Variants in SMG9 observed in about 807,000 individuals in gnomAD.
SMG9 encodes SMG9 nonsense mediated mRNA decay factor, also known as nonsense-mediated mRNA decay factor SMG9.
A neutral mutation model predicts 64.0 loss-of-function variants in SMG9; 55 were observed. The observed-to-expected ratio is 0.86, with a 90% CI of 0.69 to 1.08. The LOEUF is 1.08. Ranked by LOEUF, SMG9 falls within the 50% of genes least tolerant of loss-of-function variation. SMG9 has a pLI of 0.00. For synonymous variants in SMG9, 244 were observed against 254.8 expected (o/e 0.96, Z 0.41); for missense variants, 554 against 681.3 (o/e 0.81, Z 2.08).
chr19:43,728,974 C>T lies in SMG9; in HGVS notation c.*2622G>A. The T allele has an allele frequency of 1.0e-6, 1 of 985,502 alleles. No homozygotes were observed. The highest frequency in any genetic ancestry group is 4.7e-5 in the South Asian group (1 of 21,290). The allele number at this position is 985,502 out of a possible 1,614,324, so 61.0% of individuals were successfully genotyped here. On this transcript the variant is annotated 3_prime_UTR_variant, in exon 14 of 14. Coordinates refer to ENST00000270066, the MANE Select transcript of SMG9 (RefSeq NM_019108.4). The stretch of plus-strand genomic sequence containing the variant: ...GCCCATCTTGCAGCCCATCCTAGAG[C>T]AGAAGGCCTCCCTGCAGCAGTATAT...
intron 9 of SMG9, chr19:43,734,766 A>C: frequency 3.0e-6 from 1 of 329,652 alleles, no homozygotes; most frequent in Non-Finnish European, 5.6e-6. Context: ...TTCACAGCAA[A>C]ACTGAGCAGA....
rs764625758 is a variant in SMG9 at position 43,733,638 on chromosome 19, G to C, written c.1198C>G (p.Leu400Val). ...MIDQLMAHSH[L>V]RYKGTLSMLQ... The stretch of plus-strand genomic sequence containing the variant: ...TGGGAACCCTTACCCTTGTAACGCA[G>C]GTGGGAGTGGGCCATGAGCTGGTCA... Residue 400 changes from leucine to valine, a missense_variant, in exon 11 of 14, where the codon CTG becomes GTG. Leu to Val is a conservative substitution (Grantham distance 32). Coordinates refer to ENST00000270066, the MANE Select transcript of SMG9 (RefSeq NM_019108.4). 6.2e-7 allele frequency: 1 copy of C among 1,614,106 alleles called. No homozygotes were observed. The highest frequency in any genetic ancestry group is 8.5e-7 in the Non-Finnish European group (1 of 1,179,976).
chr19:43,745,043 T>C (rs1968958774), intron 5 of SMG9, among the ~76,000 whole-genome samples, 159 bp from the exon 6 acceptor site: 1 of 152,258 alleles, frequency 6.6e-6, no homozygotes, highest in African/African-American at 2.4e-5. Flanking sequence ...ATAGGGCCTC[T>C]GTTCCGTGTC....
intron 13 of SMG9, among the ~76,000 whole-genome samples, chr19:43,731,903 C>A (rs1968497714): frequency 6.6e-6 from 1 of 152,236 alleles, no homozygotes; most frequent in Non-Finnish European, 1.5e-5. Context: ...GGTTCCAGGG[C>A]TTGGACTAAG....
intron 6 of SMG9, among the ~76,000 whole-genome samples, chr19:43,741,053 C>T (rs145921619): frequency 4.6e-5 from 7 of 152,278 alleles, no homozygotes; most frequent in East Asian, 1.9e-4. Context: ...AAACACTATA[C>T]GGAAAACCTC....
intron 11 of SMG9, 56 bp from the exon 12 acceptor site, chr19:43,733,508 G>A (rs1260751267): frequency 6.2e-7 from 1 of 1,611,716 alleles, no homozygotes; most frequent in African/African-American, 1.3e-5. Flanking sequence ...TGGGGAGTGG[G>A]AATTGTTGAC....
chr19:43,734,390 T>A lies in SMG9; in HGVS notation c.1101A>T (p.Leu367=). The A allele has an allele frequency of 1.3e-6, 2 of 1,552,176 alleles. No homozygotes were observed. Among genetic ancestry groups the A allele is most frequent in the Non-Finnish European group, 1.7e-6 (2 of 1,147,032 alleles). ...SDEGTEYYPH[L]VFLQNKARRE... is the part of the protein sequence containing the mutation. ...TCCAGTCCCCAGAAAGCCTCTCACCTAGGTGGGGGTAGTACTCGGTGCCTT... is the reference window on the plus strand; with the variant it reads ...TCCAGTCCCCAGAAAGCCTCTCACCAAGGTGGGGGTAGTACTCGGTGCCTT... Residue 367 remains leucine, a splice_region_variant and synonymous_variant, in exon 10 of 14, where the codon CTA becomes CTT. Transcript: ENST00000270066.
intron 8 of SMG9, 32 bp downstream of exon 8, chr19:43,738,090 C>T: frequency 6.3e-7 from 1 of 1,598,594 alleles, no homozygotes; most frequent in Non-Finnish European, 8.6e-7. Context: ...GGATGTAAAA[C>T]CTCAGTCCTG....
chr19:43,735,877 A>G (rs1022242966), intron 9 of SMG9, among the ~76,000 whole-genome samples: 1 of 152,216 alleles, frequency 6.6e-6, no homozygotes, highest in African/African-American at 2.4e-5. Flanking sequence ...TGCCGGCCTG[A>G]GCCAATACTC....
At chr19:43,748,079 T>C (rs554515525) in intron 2 of SMG9, 27 bp from the exon 3 acceptor site, 67 of 1,590,342 alleles carry the variant, frequency 4.2e-5, no homozygotes, top group Non-Finnish European at 4.1e-5. Flanking sequence ...CAGTTACTCA[T>C]GAATGGCTCT....
Position 43,750,661 on chromosome 19 carries a change from G to C in SMG9, c.81C>G (p.Gly27=). 1 of 1,614,012 alleles carries C rather than the reference G, an allele frequency of 6.2e-7. No homozygotes were observed. The highest frequency in any genetic ancestry group is 8.5e-7 in the Non-Finnish European group (1 of 1,179,996). The change falls in exon 2 of 14, where the codon GGC becomes GGG. Residue 27 remains glycine (G), a synonymous_variant. Transcript: ENST00000270066. Reference sequence around the variant, plus strand: ...CACCAGGCCCAGAGAGATTCTGGGGGCCACCAGAGCCAGGCTCCTTCCACC... The same window carrying C: ...CACCAGGCCCAGAGAGATTCTGGGGCCCACCAGAGCCAGGCTCCTTCCACC... ...RRRWKEPGSG[G]PQNLSGPGGR...
At chr19:43,739,863 C>G in intron 7 of SMG9, 1 of 522,484 alleles carries the variant, frequency 1.9e-6, no homozygotes, top group South Asian at 2.1e-5. Context: ...CTCCAGGGCC[C>G]ACACTTTTCA....
Position 43,731,477 on chromosome 19 carries a change from A to G in SMG9, c.*119T>C. 1 of 1,523,328 alleles carries G rather than the reference A, an allele frequency of 6.6e-7. No homozygotes were observed. Among genetic ancestry groups the G allele is most frequent in the South Asian group, 1.3e-5 (1 of 78,378 alleles). 94.4% of individuals were successfully genotyped at this position (1,523,328 alleles called of 1,614,324 possible). ...CATGTCTCTGGGCCGGGAAGCCACG[A>G]TCCCTCATCCATCAGGCCTGCTGCC... On this transcript the variant is annotated 3_prime_UTR_variant, in exon 14 of 14. Transcript: ENST00000270066.
chr19:43,740,211 C>T lies in SMG9; in HGVS notation c.709G>A (p.Val237Ile). 2 of 1,613,324 alleles carry T rather than the reference C, an allele frequency of 1.2e-6. No individual in the cohort carries two copies. The highest frequency in any genetic ancestry group is 1.7e-4 in the Middle Eastern group (1 of 6,060). Reference sequence around the variant, plus strand: ...ATTTCAGCGCTCTGGGCCCGGAAAACATAAGTCCTGTGGAGAGGAGCAGGC... The same window carrying T: ...ATTTCAGCGCTCTGGGCCCGGAAAATATAAGTCCTGTGGAGAGGAGCAGGC... ...NTPEEDQRTY[V>I]FRAQSAEMKE... Residue 237 changes from valine to isoleucine, a missense_variant, in exon 7 of 14, where the codon GTT (valine) becomes ATT (isoleucine). Coordinates refer to ENST00000270066, the MANE Select transcript of SMG9 (RefSeq NM_019108.4).
chr19:43,737,966 A>G (rs1968728157), intron 8 of SMG9, 156 bp downstream of exon 8: 1 of 740,328 alleles, frequency 1.4e-6, no homozygotes, highest in African/African-American at 1.7e-5. Context: ...GCCAGTCCTG[A>G]CTCTCAGTGT....
In SMG9 at chr19:43,737,605, A is replaced by C; in HGVS notation, c.987T>G (p.Ser329Arg). 6.2e-7 allele frequency: 1 copy of C among 1,613,348 alleles called. No individual in the cohort carries two copies. The highest frequency in any genetic ancestry group is 8.5e-7 in the Non-Finnish European group (1 of 1,179,670). ...IVVQDWFTDL[S>R]LYRFLQTAEM... ...ACCCCTCAGCTCCTCACCTGTAGAG[A>C]CTGAGGTCTGTGAACCAGTCCTGGA... The change falls in exon 9 of 14, where the codon AGT (serine) becomes AGG (arginine). Residue 329 changes from serine to arginine, a missense_variant. Coordinates refer to ENST00000270066, the MANE Select transcript of SMG9 (RefSeq NM_019108.4).
At position 43,754,661 on chromosome 19, in the gene SMG9, G is replaced by A. The variant is rs973814582; in HGVS notation, c.-14C>T. On this transcript the variant is annotated 5_prime_UTR_variant, in exon 1 of 14. Coordinates refer to ENST00000270066, the MANE Select transcript of SMG9 (RefSeq NM_019108.4). ...GGCTCGCGGCCCCCTTACCTAACGC[G>A]GCTGCTGATTGGTTCTCGGGGCGCG... The A allele has an allele frequency of 6.6e-6, 1 of 152,006 alleles. No homozygotes were observed. The highest frequency in any genetic ancestry group is 2.4e-5 in the African/African-American group (1 of 41,386). The allele number at this position is 152,006 out of a possible 1,614,324, so 9.4% of individuals were successfully genotyped here. A position where few individuals can be genotyped will look rare whatever the true frequency, so the allele number is the denominator to read the frequency against.
intron 7 of SMG9, 145 bp downstream of exon 7, chr19:43,739,962 C>T: frequency 1.5e-6 from 1 of 654,986 alleles, no homozygotes. Flanking sequence ...CAAGAAAAGA[C>T]ACAATTTGCC....
intron 9 of SMG9, among the ~76,000 whole-genome samples, chr19:43,735,614 C>CA (rs889721095): frequency 0.028 from 1,412 of 50,498 alleles, 59 homozygotes; most frequent in Middle Eastern, 0.038. Context: ...GACTCTGTCT[C>CA]AAAAAAAAAA....
Sources: allele counts gnomAD v4.1 joint callset (sites outside exome capture counted in the v4.1 genomes callset), GRCh38; gene constraint gnomAD v4.1.1; transcripts MANE v1.5; gene names NCBI Gene and HGNC (gene_info 2026-07-23, HGNC 2026-07-21).